DEPDC5: variants seen among roughly 807,000 people sequenced by gnomAD.
DEPDC5 encodes DEP domain containing 5, GATOR1 subcomplex subunit.
DEPDC5 carries 73 observed loss-of-function variants against 217.3 expected under a neutral mutation model. The observed-to-expected ratio is 0.34, with a 90% CI of 0.28 to 0.41. The LOEUF (loss-of-function observed/expected upper bound fraction) is 0.41. Among genes scored for constraint, DEPDC5 ranks in the 10% least tolerant of loss-of-function variants. The pLI is 1.00. For missense variants in DEPDC5, 1,675 were observed against 2,070.1 expected (o/e 0.81, Z 3.70); for synonymous variants, 733 against 756.7 (o/e 0.97, Z 0.51).
intron 37 of DEPDC5, among the ~76,000 whole-genome samples, chr22:31,879,112 A>G (rs2093102379): frequency 7.4e-6 from 1 of 134,516 alleles, no homozygotes; most frequent in Non-Finnish European, 1.5e-5. Context: ...ATATACATAT[A>G]TATACACATA....
chr22:31,776,129 T>C (rs938370011), intron 7 of DEPDC5, among the ~76,000 whole-genome samples: 9 of 149,060 alleles, frequency 6.0e-5, no homozygotes, highest in Non-Finnish European at 1.0e-4. Context: ...TGTTTTGTTT[T>C]TTGCAATAGT....
chr22:31,810,618 G>GGCCCAT lies in DEPDC5; in HGVS notation c.1427_1428insTGCCCA (p.Ala475_Gln476insHisAla). On this transcript the variant is annotated inframe_insertion, in exon 20 of 43. Transcript: ENST00000651528. ...TGTTCAGGCTGCCCGGCCCATCCCG[G>GGCCCAT]GCCCAGTGCCTCACCACCTGCAGGT... 6.2e-7 allele frequency: 1 copy of GGCCCAT among 1,614,132 alleles called. No individual in the cohort carries two copies.
rs74903449 is a variant in DEPDC5, at chr22:31,907,857, A to T, written c.*1360A>T. 1,457 of 152,190 alleles carry T rather than the reference A, an allele frequency of 9.6e-3. 20 individuals are homozygous for T. Among genetic ancestry groups the T allele is most frequent in the African/African-American group, 0.032 (1,346 of 41,480 alleles). The allele number at this position is 152,190 out of a possible 1,614,324, so 9.4% of individuals were successfully genotyped here. On this transcript the variant is annotated 3_prime_UTR_variant, in exon 43 of 43. Transcript: ENST00000651528. Reference sequence around the variant, plus strand: ...GTGGAGTTCATCACAAGCTCTGTTGATTTGCCTCCTCAATGGCTTTGCATC... The same window carrying T: ...GTGGAGTTCATCACAAGCTCTGTTGTTTTGCCTCCTCAATGGCTTTGCATC...
At chr22:31,775,891 A>G (rs576196523) in intron 7 of DEPDC5, among the ~76,000 whole-genome samples, 3 of 151,854 alleles carry the variant, frequency 2.0e-5, no homozygotes, top group African/African-American at 7.2e-5. Context: ...AATATAAAAA[A>G]TTAGCTGGGC....
Position 31,799,481 on chromosome 22 carries a change from ATT to A in DEPDC5, c.946+841_946+842del, listed in dbSNP as rs201792562. Among the ~76,000 whole-genome samples the A allele has an allele frequency of 2.2e-3, 276 of 128,356 alleles. 1 individual carries two copies. In the Middle Eastern group the frequency reaches 0.032, roughly 15 times the overall value. The allele number at this position is 128,356 out of a possible 152,430, so 84.2% of individuals were successfully genotyped here. The stretch of plus-strand genomic sequence containing the variant: ...TGCATTAGGTATTTCTCTTAATGCT[ATT>A]TTTTTTTTTTTTTTTCTGGGATGGA... On this transcript the variant is annotated intron_variant, in intron 14 of 42. Coordinates refer to ENST00000651528, the MANE Select transcript of DEPDC5 (RefSeq NM_001242896.3).
chr22:31,887,725 C>G (rs1369388632), intron 38 of DEPDC5, among the ~76,000 whole-genome samples: 1 of 152,154 alleles, frequency 6.6e-6, no homozygotes, highest in African/African-American at 2.4e-5. Context: ...TCCTTTTAAA[C>G]CTGATATGGC....
intron 7 of DEPDC5, among the ~76,000 whole-genome samples, chr22:31,770,158 C>T (rs2083209849): frequency 6.6e-6 from 1 of 151,546 alleles, no homozygotes. Context: ...CGCCTGAGCC[C>T]TGGGAGGTTG....
At position 31,906,238 on chromosome 22, in the gene DEPDC5, G is replaced by A. The variant is rs2149448672; in HGVS notation, c.4553G>A (p.Arg1518His). ...TVFLQLPYSKRKFSGQQRRRR... is the reference protein window; with the variant it reads ...TVFLQLPYSKHKFSGQQRRRR... Reference sequence around the variant, plus strand: ...TTTCTGCAGCTGCCCTACTCCAAGCGCAAGTTCTCAGGGCAGCAGCGGCGG... The same window carrying A: ...TTTCTGCAGCTGCCCTACTCCAAGCACAAGTTCTCAGGGCAGCAGCGGCGG... The change falls in exon 43 of 43, where the codon CGC becomes CAC. Residue 1518 changes from arginine to histidine, a missense_variant. This residue lies in a region of DEPDC5 where 182 missense variants were observed against 290.1 expected (regional missense o/e 0.63). Transcript: ENST00000651528. The surrounding 1 kb of genome is among the most constrained non-coding windows in gnomAD (Gnocchi z 5.1). 6 of 1,613,980 alleles carry A rather than the reference G, an allele frequency of 3.7e-6. No homozygotes were observed. Among genetic ancestry groups the A allele is most frequent in the Non-Finnish European group, 5.1e-6 (6 of 1,179,968 alleles).
At position 31,843,196 on chromosome 22, in the gene DEPDC5, A is replaced by T. The variant is rs1198304361; in HGVS notation, c.2617A>T (p.Thr873Ser). 6.2e-7 allele frequency: 1 copy of T among 1,614,010 alleles called. No individual in the cohort carries two copies. The highest frequency in any genetic ancestry group is 1.7e-5 in the Admixed American group (1 of 59,966). The change falls in exon 28 of 43, where the codon ACG becomes TCG. Residue 873 changes from threonine (T) to serine (S), a missense_variant. Thr to Ser is a moderately conservative substitution (Grantham distance 58). This residue lies in a region of DEPDC5 where 293 missense variants were observed against 386.1 expected (regional missense o/e 0.76). Coordinates refer to ENST00000651528, the MANE Select transcript of DEPDC5 (RefSeq NM_001242896.3). ...GCTGAAGGATAAGATGATCACAGTG[A>T]CGCGATACCTTCCCAAGTGAGTATT... ...VTLKDKMITVTRYLPKYPYES... is the reference protein window; with the variant it reads ...VTLKDKMITVSRYLPKYPYES...
intron 7 of DEPDC5, among the ~76,000 whole-genome samples, chr22:31,775,052 C>G (rs906930137): frequency 1.3e-4 from 20 of 152,264 alleles, no homozygotes; most frequent in Non-Finnish European, 2.4e-4. Flanking sequence ...TGGGCCTGGT[C>G]CAGCCTTCTT....
chr22:31,830,110 T>A (rs950717524), intron 24 of DEPDC5, among the ~76,000 whole-genome samples: 1 of 152,230 alleles, frequency 6.6e-6, no homozygotes, highest in African/African-American at 2.4e-5. Context: ...CAGTTTTTTT[T>A]ATGGGTAAGT....
rs781693793 is a variant in DEPDC5 at position 31,815,172 on chromosome 22, G to A, written c.1626G>A (p.Gln542=). The A allele has an allele frequency of 1.9e-6, 3 of 1,614,046 alleles. No homozygotes were observed. Among genetic ancestry groups the A allele is most frequent in the Non-Finnish European group, 2.5e-6 (3 of 1,180,044 alleles). Residue 542 remains glutamine (Q), a synonymous_variant, in exon 21 of 43, where the codon CAG becomes CAA. Transcript: ENST00000651528. Reference sequence around the variant, plus strand: ...TGATCCCACACCCCCACCTGCACCAGTATGAAGTCAGCAGCTCCTTGGGAT... The same window carrying A: ...TGATCCCACACCCCCACCTGCACCAATATGAAGTCAGCAGCTCCTTGGGAT... The part of the protein sequence containing the change: ...ILMIPHPHLH[Q]YEVSSSLGYT...
intron 24 of DEPDC5, among the ~76,000 whole-genome samples, chr22:31,824,968 T>C (rs1602190311): frequency 7.3e-6 from 1 of 137,000 alleles, no homozygotes. Flanking sequence ...AGAGCAAGAC[T>C]CCGTCTCAAA....
intron 8 of DEPDC5, 95 bp downstream of exon 8, chr22:31,778,263 C>A (rs190443600): frequency 5.7e-6 from 7 of 1,230,170 alleles, no homozygotes; most frequent in Non-Finnish European, 8.3e-6. Context: ...GGCAGGACAC[C>A]AAGGTGGGCA....
At chr22:31,840,219 A>G (rs2091307724) in intron 27 of DEPDC5, among the ~76,000 whole-genome samples, 2 of 152,086 alleles carry the variant, frequency 1.3e-5, no homozygotes, top group Non-Finnish European at 2.9e-5. Context: ...CCCTGAGGAG[A>G]TGAGGTTTGA....
intron 6 of DEPDC5, 89 bp from the exon 7 acceptor site, chr22:31,768,725 A>G (rs1265771859): frequency 2.7e-6 from 3 of 1,111,448 alleles, no homozygotes; most frequent in African/African-American, 3.2e-5. Flanking sequence ...GTGATTTTTC[A>G]TGGCCTTAAT....
intron 38 of DEPDC5, among the ~76,000 whole-genome samples, chr22:31,892,081 TG>T (rs1333814350): frequency 2.0e-5 from 3 of 152,232 alleles, no homozygotes; most frequent in Non-Finnish European, 4.4e-5. Context: ...ACTGTCTTCC[TG>T]GGTTGAAACC....
intron 33 of DEPDC5, among the ~76,000 whole-genome samples, chr22:31,869,974 T>G (rs1268268473): frequency 6.6e-6 from 1 of 152,160 alleles, no homozygotes; most frequent in Non-Finnish European, 1.5e-5. Context: ...GATTTAGAGA[T>G]GCATGTGAAT....
intron 7 of DEPDC5, among the ~76,000 whole-genome samples, chr22:31,771,027 G>A (rs139780323): frequency 0.014 from 2,089 of 152,054 alleles, 17 homozygotes; most frequent in Middle Eastern, 0.031. Flanking sequence ...AGGTGATCCC[G>A]CCTCCTCAGC....
Sources: allele counts gnomAD v4.1 joint callset (sites outside exome capture counted in the v4.1 genomes callset), GRCh38; gene constraint gnomAD v4.1.1; regional missense constraint gnomAD v4.1.1; non-coding constraint Gnocchi (gnomAD v3.1); transcripts MANE v1.5; gene names NCBI Gene and HGNC (gene_info 2026-07-23, HGNC 2026-07-21).